The following CATSPERE variants were observed in gnomAD, a reference collection of about 807,000 sequenced individuals.
The protein encoded by CATSPERE is catsper channel auxiliary subunit epsilon.
A neutral mutation model predicts 114.1 loss-of-function variants in CATSPERE; 93 were observed. The observed-to-expected ratio is 0.81, with a 90% CI of 0.69 to 0.97. The LOEUF (loss-of-function observed/expected upper bound fraction) is 0.97, where lower values mean the gene tolerates loss of function less well. CATSPERE is among the 50% of genes least tolerant of loss of function. The probability of loss-of-function intolerance (pLI) is 0.00; values close to 1 mark genes in which losing one functional copy is unlikely to be tolerated. For missense variants in CATSPERE, 1,058 were observed against 1,131.6 expected (o/e 0.93, Z 0.93); for synonymous variants, 341 against 384.1 (o/e 0.89, Z 1.31).
intron 17 of CATSPERE, 99 bp from the exon 18 acceptor site, chr1:244,605,596 A>C (rs1669880755): frequency 1.5e-6 from 1 of 679,288 alleles, no homozygotes; most frequent in Non-Finnish European, 2.5e-6. Flanking sequence ...AGTGATAAAG[A>C]CAGGATTTAA....
chr1:244,506,369 T>C (rs560752931), intron 7 of CATSPERE, among the ~76,000 whole-genome samples: 1 of 152,204 alleles, frequency 6.6e-6, no homozygotes, highest in Non-Finnish European at 1.5e-5. Flanking sequence ...TGCACAAATA[T>C]CTGCTCATAT....
At chr1:244,591,804 T>TC in intron 15 of CATSPERE, 73 bp downstream of exon 15, 1 of 916,746 alleles carries the variant, frequency 1.1e-6, no homozygotes. Context: ...CAGTACTTAT[T>TC]CAGTGGATTA....
chr1:244,463,715 CCCTAA>C (rs1667166934), intron 1 of CATSPERE, among the ~76,000 whole-genome samples, 188 bp from the exon 2 acceptor site: 1 of 151,012 alleles, frequency 6.6e-6, no homozygotes, highest in Non-Finnish European at 1.5e-5. Flanking sequence ...ACTGAGCAAA[CCCTAA>C]CACATCTAGA....
intron 20 of CATSPERE, among the ~76,000 whole-genome samples, chr1:244,624,110 C>T (rs544904466): frequency 2.9e-4 from 44 of 150,378 alleles, no homozygotes; most frequent in African/African-American, 9.0e-4. Context: ...TACAGGCGTC[C>T]GCCACCATGC....
intron 10 of CATSPERE, among the ~76,000 whole-genome samples, chr1:244,561,579 T>G (rs1027331296): frequency 2.6e-5 from 4 of 152,154 alleles, no homozygotes; most frequent in African/African-American, 9.7e-5. Flanking sequence ...GTGTTCCCTC[T>G]GAAACCTGTA....
chr1:244,505,421 G>A (rs917449892), intron 7 of CATSPERE, among the ~76,000 whole-genome samples: 1 of 152,128 alleles, frequency 6.6e-6, no homozygotes, highest in Non-Finnish European at 1.5e-5. Flanking sequence ...ACATATATGT[G>A]TGTACTAATC....
At chr1:244,546,989 C>T (rs1406099171) in intron 8 of CATSPERE, among the ~76,000 whole-genome samples, 1 of 152,074 alleles carries the variant, frequency 6.6e-6, no homozygotes, top group Non-Finnish European at 1.5e-5. Flanking sequence ...TAAAGGTCAT[C>T]AGTCAGATTC....
intron 8 of CATSPERE, 31 bp from the exon 9 acceptor site, chr1:244,552,291 T>G: frequency 6.4e-7 from 1 of 1,560,922 alleles, no homozygotes; most frequent in Non-Finnish European, 8.6e-7. Context: ...GAGAGAGAGA[T>G]CATTTTATTC....
intron 14 of CATSPERE, among the ~76,000 whole-genome samples, chr1:244,589,825 TC>T (rs1667498570): frequency 6.6e-6 from 1 of 152,200 alleles, no homozygotes; most frequent in Non-Finnish European, 1.5e-5. Flanking sequence ...CAGTTACTCA[TC>T]AGAATCACTT....
intron 5 of CATSPERE, among the ~76,000 whole-genome samples, 188 bp from the exon 6 acceptor site, chr1:244,490,259 G>A (rs534912774): frequency 6.6e-6 from 1 of 152,200 alleles, no homozygotes; most frequent in Non-Finnish European, 1.5e-5. Flanking sequence ...ATGAGAATCA[G>A]TAACGATATT....
At chr1:244,489,585 A>C (rs1671633100) in intron 5 of CATSPERE, among the ~76,000 whole-genome samples, 1 of 148,314 alleles carries the variant, frequency 6.7e-6, no homozygotes, top group Non-Finnish European at 1.5e-5. Context: ...ATGGGGTTTG[A>C]AGAGGAAGGC....
intron 5 of CATSPERE, among the ~76,000 whole-genome samples, chr1:244,485,616 G>A (rs3003307): frequency 2.5e-3 from 373 of 148,024 alleles, no homozygotes; most frequent in African/African-American, 8.8e-3. Flanking sequence ...TTTCTGTCTC[G>A]TTGTGATTCA....
chr1:244,612,573 C>T (rs547221161), intron 19 of CATSPERE, among the ~76,000 whole-genome samples: 3 of 152,182 alleles, frequency 2.0e-5, no homozygotes, highest in East Asian at 1.9e-4. Flanking sequence ...ATACAGAATC[C>T]GATTTGAGTT....
chr1:244,524,209 A>G (rs1435663324), intron 8 of CATSPERE, among the ~76,000 whole-genome samples: 2 of 146,636 alleles, frequency 1.4e-5, no homozygotes, highest in African/African-American at 5.4e-5. Flanking sequence ...CTGATCTTTG[A>G]CAAACCTGAG....
chr1:244,523,586 C>T lies in CATSPERE; in HGVS notation c.536+4888C>T, dbSNP rs1211597976. On this transcript the variant is annotated intron_variant, in intron 8 of 21. Transcript: ENST00000366534. Reference sequence around the variant, plus strand: ...ATGACATGATTGTATATCTAGAAAACCCCATCGTCTCAGCCCAAAATCTCC... The same window carrying T: ...ATGACATGATTGTATATCTAGAAAATCCCATCGTCTCAGCCCAAAATCTCC... 4.7e-3 allele frequency among the ~76,000 whole-genome samples: 660 copies of T among 141,130 alleles called. 4 individuals are homozygous for T. Among genetic ancestry groups the T allele is most frequent in the Non-Finnish European group, 6.8e-3 (450 of 66,480 alleles). The allele number at this position is 141,130 out of a possible 152,430, so 92.6% of individuals were successfully genotyped here.
At position 244,557,532 on chromosome 1, in the gene CATSPERE, C is replaced by CATATATATATATATAT. The variant is rs61291602; in HGVS notation, c.1030-3100_1030-3085dup. Among the ~76,000 whole-genome samples the CATATATATATATATAT allele has an allele frequency of 4.9e-4, 20 of 40,626 alleles. 1 individual carries two copies. The highest frequency in any genetic ancestry group is 1.5e-3 in the East Asian group (1 of 660). The allele number at this position is 40,626 out of a possible 152,430, so 26.7% of individuals were successfully genotyped here. Reference sequence around the variant, plus strand: ...TATATATAATTTTATTTGAAATATTCATATATATATATATATATATATATA... The same window carrying CATATATATATATATAT: ...TATATATAATTTTATTTGAAATATTCATATATATATATATATATATATATATATATATATATATATA... On this transcript the variant is annotated intron_variant, in intron 9 of 21. Coordinates refer to ENST00000366534, the MANE Select transcript of CATSPERE (RefSeq NM_001130957.2).
intron 9 of CATSPERE, among the ~76,000 whole-genome samples, chr1:244,553,628 C>CACACACATATATACAT (rs1661104755): frequency 6.8e-6 from 1 of 147,310 alleles, no homozygotes; most frequent in African/African-American, 2.6e-5. Flanking sequence ...CACACACACA[C>CACACACATATATACAT]ACACACACAC....
At chr1:244,502,262 C>T (rs1674162648) in intron 7 of CATSPERE, among the ~76,000 whole-genome samples, 1 of 152,092 alleles carries the variant, frequency 6.6e-6, no homozygotes. Flanking sequence ...TTGTATGTGG[C>T]TGTACATTTT....
intron 2 of CATSPERE, among the ~76,000 whole-genome samples, chr1:244,466,388 T>C (rs1283026540): frequency 6.6e-6 from 1 of 152,154 alleles, no homozygotes; most frequent in Non-Finnish European, 1.5e-5. Context: ...TCCCAAACAC[T>C]AAGTAGCAGT....
Sources: allele counts gnomAD v4.1 joint callset (sites outside exome capture counted in the v4.1 genomes callset), GRCh38; gene constraint gnomAD v4.1.1; transcripts MANE v1.5; gene names NCBI Gene and HGNC (gene_info 2026-07-23, HGNC 2026-07-21).